Variants in ARHGAP31 observed in about 807,000 individuals in gnomAD.
ARHGAP31 encodes the protein Rho GTPase activating protein 31, also known as rho GTPase-activating protein 31.
Under a neutral mutation model 113.9 loss-of-function variants are expected in ARHGAP31, and 34 were observed. The ratio of observed to expected loss-of-function variants is 0.30; its 90% confidence interval spans 0.23 to 0.40. The LOEUF (loss-of-function observed/expected upper bound fraction) is 0.40. ARHGAP31 is among the 10% of genes least tolerant of loss of function. The probability of loss-of-function intolerance (pLI) is 1.00; values close to 1 mark genes in which losing one functional copy is unlikely to be tolerated. For synonymous variants in ARHGAP31, 650 were observed against 684.8 expected (o/e 0.95, Z 0.79); for missense variants, 1,548 against 1,767.1 (o/e 0.88, Z 2.22).
chr3:119,324,703 A>G lies in ARHGAP31; in HGVS notation c.100+29699A>G, dbSNP rs1374329001. Among the ~76,000 whole-genome samples the G allele has an allele frequency of 1.3e-5, 2 of 152,260 alleles. 1 individual carries two copies. Among genetic ancestry groups the G allele is most frequent in the Non-Finnish European group, 2.9e-5 (2 of 68,040 alleles). On this transcript the variant is annotated intron_variant, in intron 1 of 11. Transcript: ENST00000264245. ...AAAGAATGTTTAAGGATAGACGTGG[A>G]AAAACAAAGAGTGGGGAGAGGAGTC...
intron 1 of ARHGAP31, among the ~76,000 whole-genome samples, chr3:119,321,283 A>ATATATATATATATAG (rs2079782625): frequency 6.9e-6 from 1 of 145,854 alleles, no homozygotes; most frequent in African/African-American, 2.5e-5. Flanking sequence ...TATATACTAT[A>ATATATATATATATAG]TATATATATA....
intron 1 of ARHGAP31, among the ~76,000 whole-genome samples, chr3:119,319,716 T>G (rs1453410612): frequency 1.3e-5 from 2 of 152,250 alleles, no homozygotes. Context: ...TCCCCCTCTT[T>G]CCCTATAATC....
intron 1 of ARHGAP31, among the ~76,000 whole-genome samples, chr3:119,363,704 T>A (rs2080230074): frequency 6.6e-6 from 1 of 152,146 alleles, no homozygotes; most frequent in African/African-American, 2.4e-5. Context: ...CACATAAAGA[T>A]CCAGTCCAGC....
At chr3:119,301,654 A>G (rs200043236) in intron 1 of ARHGAP31, among the ~76,000 whole-genome samples, 1 of 150,316 alleles carries the variant, frequency 6.7e-6, no homozygotes, top group Non-Finnish European at 1.5e-5. Context: ...GTTTTTTTTT[A>G]CCAGGAATCA....
At chr3:119,325,087 A>G (rs2079829777) in intron 1 of ARHGAP31, 1 of 380,822 alleles carries the variant, frequency 2.6e-6, no homozygotes, top group Admixed American at 3.0e-5. Flanking sequence ...TAATTAAAAT[A>G]TCTTCAAGTC....
chr3:119,337,495 A>G (rs72962558), intron 1 of ARHGAP31, among the ~76,000 whole-genome samples: 17,034 of 152,166 alleles, frequency 0.11, 1,029 homozygotes, highest in Non-Finnish European at 0.12. Flanking sequence ...AAGCTTCCAC[A>G]ATACTGACGG....
rs1424643073 is a variant in ARHGAP31, at chr3:119,415,348, C to G, written c.3419C>G (p.Pro1140Arg). The change falls in exon 12 of 12, where the codon CCA (proline) becomes CGA (arginine). Residue 1140 changes from proline (P) to arginine (R), a missense_variant. Physicochemically the swap from Pro to Arg is moderately radical, Grantham distance 103 (BLOSUM62 -2). Transcript: ENST00000264245. ...ATGCAGGTCTCTGAGCCAGGAGACCCAAAGGTCACATGGATGACCTCATCT... is the reference window on the plus strand; with the variant it reads ...ATGCAGGTCTCTGAGCCAGGAGACCGAAAGGTCACATGGATGACCTCATCT... ...PGMQVSEPGDPKVTWMTSSYC... is the reference protein window; with the variant it reads ...PGMQVSEPGDRKVTWMTSSYC... The G allele has an allele frequency of 1.2e-6, 2 of 1,614,072 alleles. No individual in the cohort carries two copies. Among genetic ancestry groups the G allele is most frequent in the Admixed American group, 3.3e-5 (2 of 60,012 alleles).
intron 11 of ARHGAP31, among the ~76,000 whole-genome samples, chr3:119,411,968 A>G (rs1344576993): frequency 6.6e-6 from 1 of 152,250 alleles, no homozygotes; most frequent in Non-Finnish European, 1.5e-5. Flanking sequence ...ACAAGTGATT[A>G]GAGCTAGGTG....
intron 7 of ARHGAP31, among the ~76,000 whole-genome samples, chr3:119,392,152 T>C (rs903614654): frequency 3.3e-5 from 5 of 152,178 alleles, no homozygotes; most frequent in African/African-American, 1.2e-4. Flanking sequence ...AGATGGATCA[T>C]AAAAACATCC....
chr3:119,389,608 A>T (rs1162828567), intron 6 of ARHGAP31, among the ~76,000 whole-genome samples: 3 of 152,258 alleles, frequency 2.0e-5, no homozygotes, highest in South Asian at 2.1e-4. Flanking sequence ...TTGTCACATA[A>T]CAGTTGTCTT....
rs1350716171 is a variant in ARHGAP31 at position 119,414,038 on chromosome 3, T to C, written c.2109T>C (p.Pro703=). 4 of 1,614,208 alleles carry C rather than the reference T, an allele frequency of 2.5e-6. No homozygotes were observed. The highest frequency in any genetic ancestry group is 1.7e-5 in the Admixed American group (1 of 60,022). The change falls in exon 12 of 12, where the codon CCT becomes CCC. Residue 703 remains proline, a synonymous_variant. Transcript: ENST00000264245. ...CCTCAGAGCCTCCTGGGAGCTTGCC[T>C]TGTGGCTCCTTCCCTGCTCCAGTCT... ...FIPSEPPGSL[P]CGSFPAPVST...
chr3:119,410,341 A>G (rs981261555), intron 11 of ARHGAP31, among the ~76,000 whole-genome samples: 1 of 152,188 alleles, frequency 6.6e-6, no homozygotes, highest in African/African-American at 2.4e-5. Context: ...ATGTCCTTCA[A>G]TAGAAAGTGT....
rs145100300 is a variant in ARHGAP31 at position 119,352,440 on chromosome 3, C to G, written c.101-12876C>G. Among the ~76,000 whole-genome samples the G allele has an allele frequency of 1.1e-4, 17 of 152,326 alleles. No individual in the cohort carries two copies. The East Asian group carries it at 2.1e-3, about 19-fold the overall frequency. Reference sequence around the variant, plus strand: ...CTTTTATGTGTGAGTCAGATAGGCTCTTACCTTTCCTAAAGAAATTTCAGG... The same window carrying G: ...CTTTTATGTGTGAGTCAGATAGGCTGTTACCTTTCCTAAAGAAATTTCAGG... On this transcript the variant is annotated intron_variant, in intron 1 of 11. Coordinates refer to ENST00000264245, the MANE Select transcript of ARHGAP31 (RefSeq NM_020754.4).
intron 8 of ARHGAP31, among the ~76,000 whole-genome samples, chr3:119,394,458 T>C (rs1305319526): frequency 2.6e-5 from 4 of 152,034 alleles, no homozygotes; most frequent in African/African-American, 9.7e-5. Context: ...GAACCATATA[T>C]AGTGGGGAAT....
At chr3:119,354,213 G>C (rs1454267109) in intron 1 of ARHGAP31, among the ~76,000 whole-genome samples, 1 of 152,148 alleles carries the variant, frequency 6.6e-6, no homozygotes, top group African/African-American at 2.4e-5. Flanking sequence ...GCTTCACAAG[G>C]GGTAATAACC....
At chr3:119,335,565 T>G (rs1170596523) in intron 1 of ARHGAP31, among the ~76,000 whole-genome samples, 1 of 152,016 alleles carries the variant, frequency 6.6e-6, no homozygotes, top group Non-Finnish European at 1.5e-5. Flanking sequence ...AGGAAGAGAA[T>G]GGTATTGGGG....
At chr3:119,303,064 G>A (rs2079599173) in intron 1 of ARHGAP31, among the ~76,000 whole-genome samples, 1 of 152,124 alleles carries the variant, frequency 6.6e-6, no homozygotes, top group Non-Finnish European at 1.5e-5. Flanking sequence ...TACCCAATTT[G>A]TTATGCATTC....
intron 3 of ARHGAP31, among the ~76,000 whole-genome samples, chr3:119,380,554 C>T (rs1430249731): frequency 6.6e-6 from 1 of 151,914 alleles, no homozygotes; most frequent in Non-Finnish European, 1.5e-5. Flanking sequence ...CTGGGCCTAT[C>T]TCTATCTCTT....
chr3:119,399,235 A>G lies in ARHGAP31; in HGVS notation c.1043A>G (p.Asp348Gly), dbSNP rs755330707. ...ACTATCCGACCAGCTAAAAGCATGG[A>G]CTCACTATGTTCAGTGCCTGTGGAA... ...KATIRPAKSMDSLCSVPVEGK... is the reference protein window; with the variant it reads ...KATIRPAKSMGSLCSVPVEGK... The change falls in exon 9 of 12, where the codon GAC (aspartate) becomes GGC (glycine). Residue 348 changes from aspartate (D) to glycine (G), a missense_variant. Coordinates refer to ENST00000264245, the MANE Select transcript of ARHGAP31 (RefSeq NM_020754.4). The G allele has an allele frequency of 1.2e-6, 2 of 1,613,722 alleles. No individual in the cohort carries two copies. Among genetic ancestry groups the G allele is most frequent in the African/African-American group, 1.3e-5 (1 of 75,026 alleles).
Sources: allele counts gnomAD v4.1 joint callset (sites outside exome capture counted in the v4.1 genomes callset), GRCh38; gene constraint gnomAD v4.1.1; transcripts MANE v1.5; gene names NCBI Gene and HGNC (gene_info 2026-07-23, HGNC 2026-07-21).